EDEM1: variants seen among roughly 807,000 people sequenced by gnomAD.
EDEM1 encodes ER degradation enhancing alpha-mannosidase like protein 1.
EDEM1 carries 67 observed loss-of-function variants against 74.4 expected under a neutral mutation model. The observed-to-expected ratio is 0.90, with a 90% CI of 0.74 to 1.10. EDEM1 has a LOEUF of 1.10. Ranked by LOEUF, EDEM1 falls within the 50% of genes least tolerant of loss-of-function variation. The probability of loss-of-function intolerance (pLI) is 0.00; values close to 1 mark genes in which losing one functional copy is unlikely to be tolerated. For missense variants in EDEM1, 926 were observed against 851.6 expected, an observed-to-expected ratio of 1.09 and a Z score of -1.09; for synonymous variants, 382 against 335.9, an observed-to-expected ratio of 1.14 and a Z score of -1.50.
At chr3:5,211,001 G>A in intron 9 of EDEM1, 119 bp from the exon 10 acceptor site, 1 of 903,884 alleles carries the variant, frequency 1.1e-6, no homozygotes, top group Non-Finnish European at 1.7e-6. Context: ...TGTAAACATA[G>A]TTTCATATGG....
intron 3 of EDEM1, among the ~76,000 whole-genome samples, chr3:5,200,379 C>G (rs903121458): frequency 6.6e-6 from 1 of 152,224 alleles, no homozygotes; most frequent in Admixed American, 6.5e-5. Flanking sequence ...AGTTTCCCAT[C>G]TTACCACCCA....
In EDEM1 at chr3:5,201,751, A is replaced by G. The variant is rs1553591158; in HGVS notation, c.687-2A>G. The G allele has an allele frequency of 3.1e-6, 5 of 1,614,036 alleles. No homozygotes were observed. Among genetic ancestry groups the G allele is most frequent in the Admixed American group, 1.7e-5 (1 of 59,976 alleles). ...TTATCTTTTTGTTCTTCCTGTCATTAGGGTCCTGGGAAGCCTCCTTTCTGC... is the reference window on the plus strand; with the variant it reads ...TTATCTTTTTGTTCTTCCTGTCATTGGGGTCCTGGGAAGCCTCCTTTCTGC... On this transcript the variant is annotated splice_acceptor_variant, in intron 3 of 11. Transcript: ENST00000256497. LOFTEE classifies it high-confidence loss of function.
intron 6 of EDEM1, among the ~76,000 whole-genome samples, chr3:5,206,232 G>C (rs58317906): frequency 6.8e-5 from 10 of 146,888 alleles, no homozygotes; most frequent in African/African-American, 2.5e-4. Flanking sequence ...TTTTGAGTCA[G>C]AGTCTTGCTC....
Position 5,215,951 on chromosome 3 carries a change from A to C in EDEM1, c.*33A>C. 6.3e-7 allele frequency: 1 copy of C among 1,578,768 alleles called. No individual in the cohort carries two copies. Among genetic ancestry groups the C allele is most frequent in the Non-Finnish European group, 8.7e-7 (1 of 1,153,602 alleles). ...TCTGTGAGGCCTCATCTTGAACCAG[A>C]CCTTAACGACCAAACCCAGACCATG... On this transcript the variant is annotated 3_prime_UTR_variant, in exon 12 of 12. Transcript: ENST00000256497.
intron 4 of EDEM1, among the ~76,000 whole-genome samples, chr3:5,202,764 A>G (rs1398688868): frequency 1.3e-5 from 2 of 152,306 alleles, no homozygotes; most frequent in African/African-American, 4.8e-5. Flanking sequence ...TAATAAAGCA[A>G]GGCTCTGCTG....
Position 5,195,257 on chromosome 3 carries a change from T to A in EDEM1, c.558T>A (p.Leu186=). ...NDVLGNYSLT[L]VDALDTLAIM... ...TACTAGGGAACTACTCATTGACTCT[T>A]GTTGATGCATTGGATACACTTGCAG... The change falls in exon 2 of 12, where the codon CTT becomes CTA. Residue 186 remains leucine, a synonymous_variant. Coordinates refer to ENST00000256497, the MANE Select transcript of EDEM1 (RefSeq NM_014674.3). The A allele has an allele frequency of 6.4e-7, 1 of 1,571,356 alleles. No individual in the cohort carries two copies. The highest frequency in any genetic ancestry group is 1.2e-5 in the South Asian group (1 of 84,798).
At chr3:5,189,300 C>T (rs1215686359) in intron 1 of EDEM1, 1 of 152,176 alleles carries the variant, frequency 6.6e-6, no homozygotes, top group Non-Finnish European at 1.5e-5. Context: ...TGGAGGAAAG[C>T]AGTGGAGTCC....
In EDEM1 at chr3:5,188,132, C is replaced by T. The variant is rs866587114; in HGVS notation, c.327C>T (p.Arg109=). The part of the protein sequence containing the change: ...NWGYVLGGRG[R]GPDEYEKRYS... ...GCTACGTGCTGGGCGGCCGGGGCCGCGGCCCGGACGAGTACGAGAAGCGCT... is the reference window on the plus strand; with the variant it reads ...GCTACGTGCTGGGCGGCCGGGGCCGTGGCCCGGACGAGTACGAGAAGCGCT... The change falls in exon 1 of 12, where the codon CGC becomes CGT. Residue 109 remains arginine, a synonymous_variant. Transcript: ENST00000256497. 6.5e-7 allele frequency: 1 copy of T among 1,529,276 alleles called. No homozygotes were observed. The highest frequency in any genetic ancestry group is 1.4e-5 in the African/African-American group (1 of 70,430). 94.7% of individuals were successfully genotyped at this position (1,529,276 alleles called of 1,614,324 possible).
At chr3:5,208,538 A>G (rs780175946) in intron 8 of EDEM1, among the ~76,000 whole-genome samples, 6 of 152,176 alleles carry the variant, frequency 3.9e-5, no homozygotes, top group Non-Finnish European at 8.8e-5. Flanking sequence ...ATCTTTAAGT[A>G]TTCATGAGGA....
chr3:5,189,442 C>G (rs2054873113), intron 1 of EDEM1: 1 of 152,128 alleles, frequency 6.6e-6, no homozygotes. Context: ...AGGGGACATC[C>G]CAAGCTAAAT....
chr3:5,192,919 A>G (rs79500239), intron 1 of EDEM1, among the ~76,000 whole-genome samples: 2,272 of 151,666 alleles, frequency 0.015, 60 homozygotes, highest in African/African-American at 0.052. Flanking sequence ...TACTGCAAGT[A>G]ATTTTTTTTT....
chr3:5,189,511 A>G (rs2054873596), intron 1 of EDEM1: 1 of 152,220 alleles, frequency 6.6e-6, no homozygotes, highest in African/African-American at 2.4e-5. Flanking sequence ...TTGCTTAACC[A>G]TAGCGTTTAT....
chr3:5,188,257 C>T lies in EDEM1; in HGVS notation c.452C>T (p.Pro151Leu). The T allele has an allele frequency of 6.3e-7, 1 of 1,576,982 alleles. No homozygotes were observed. Among genetic ancestry groups the T allele is most frequent in the Non-Finnish European group, 8.6e-7 (1 of 1,163,958 alleles). The change falls in exon 1 of 12, where the codon CCC becomes CTC. Residue 151 changes from proline (P) to leucine (L), a missense_variant. Pro to Leu is a moderately conservative substitution (Grantham distance 98, BLOSUM62 -3). Coordinates refer to ENST00000256497, the MANE Select transcript of EDEM1 (RefSeq NM_014674.3). ...GYDNYMAHAF[P>L]QDELNPIHCR... ...GACAACTACATGGCTCACGCCTTCC[C>T]CCAGGACGAGCTCAACCCCATCCAC... is the stretch of plus-strand genomic sequence containing the variant.
In EDEM1 at chr3:5,218,832, A is replaced by C. The variant is rs1482698179; in HGVS notation, c.*2914A>C. The C allele has an allele frequency of 6.6e-6, 1 of 152,076 alleles. No individual in the cohort carries two copies. The allele number at this position is 152,076 out of a possible 1,614,324, so 9.4% of individuals were successfully genotyped here. The stretch of plus-strand genomic sequence containing the variant: ...TTGTGAAAAACCAGCTTCTGTATTC[A>C]AATCTTTCCTTCATTTTTTTAAATT... On this transcript the variant is annotated 3_prime_UTR_variant, in exon 12 of 12. Coordinates refer to ENST00000256497, the MANE Select transcript of EDEM1 (RefSeq NM_014674.3).
Position 5,192,996 on chromosome 3 carries a change from G to T in EDEM1, c.510-2213G>T, listed in dbSNP as rs562785239. On this transcript the variant is annotated intron_variant, in intron 1 of 11. Transcript: ENST00000256497. ...CATTGTAAAAAATATTTTAAAACTG[G>T]GTCTATTTTAGTTATAGATTACAAG... 4.6e-5 allele frequency among the ~76,000 whole-genome samples: 7 copies of T among 151,608 alleles called. No homozygotes were observed. In the East Asian group the frequency reaches 1.2e-3, roughly 25 times the overall value.
At chr3:5,202,736 C>G (rs940762328) in intron 4 of EDEM1, among the ~76,000 whole-genome samples, 1 of 152,228 alleles carries the variant, frequency 6.6e-6, no homozygotes, top group Non-Finnish European at 1.5e-5. Context: ...TAGCCATTCC[C>G]TGAAGACTTG....
At chr3:5,209,459 G>A (rs1028185232) in intron 8 of EDEM1, among the ~76,000 whole-genome samples, 1 of 152,128 alleles carries the variant, frequency 6.6e-6, no homozygotes, top group East Asian at 1.9e-4. Context: ...GAGATGTCTT[G>A]CACTCTTCAG....
intron 2 of EDEM1, among the ~76,000 whole-genome samples, chr3:5,197,082 TCCCCA>T (rs1559294910): frequency 8.3e-5 from 10 of 120,016 alleles, no homozygotes; most frequent in Non-Finnish European, 1.2e-4. Context: ...TTTTTTTTTT[TCCCCA>T]TTTTGTTTTT....
At chr3:5,211,722 CT>C (rs761547209) in intron 10 of EDEM1, among the ~76,000 whole-genome samples, 10 of 151,820 alleles carry the variant, frequency 6.6e-5, no homozygotes, top group Non-Finnish European at 1.2e-4. Context: ...TGGACGAACC[CT>C]TTGGTATTAC....
Sources: gnomAD v4.1 joint callset for allele counts (sites outside exome capture counted in the v4.1 genomes callset) on GRCh38, gnomAD v4.1.1 for gene constraint, MANE v1.5 for transcripts, NCBI Gene and HGNC (gene_info 2026-07-23, HGNC 2026-07-21) for gene names.